Variants in UTS2 observed in about 807,000 individuals in gnomAD.
UTS2 encodes urotensin 2.
A neutral mutation model predicts 12.6 loss-of-function variants in UTS2; 10 were observed. The observed-to-expected ratio is 0.80, with a 90% CI of 0.49 to 1.35. The LOEUF (loss-of-function observed/expected upper bound fraction) is 1.35. UTS2 is among the 40% of genes most tolerant of loss of function. The pLI, the probability that UTS2 is intolerant of heterozygous loss-of-function variation, is 0.00. For synonymous variants in UTS2, 52 were observed against 50.0 expected, an observed-to-expected ratio of 1.04 and a Z score of -0.17; for missense variants, 142 against 143.2, an observed-to-expected ratio of 0.99 and a Z score of 0.04.
chr1:7,896,434 A>T, the UTS2 span, among the ~76,000 whole-genome samples: 1 of 152,282 alleles, frequency 6.6e-6, no homozygotes, highest in South Asian at 2.1e-4. Flanking sequence ...TTGAAGTATA[A>T]ATTATAGGCT....
chr1:7,912,534 A>C, the UTS2 span, among the ~76,000 whole-genome samples: 1 of 151,784 alleles, frequency 6.6e-6, no homozygotes, highest in Non-Finnish European at 1.5e-5. Flanking sequence ...GCTCACTACA[A>C]CCTCCACCTC....
upstream of UTS2, among the ~76,000 whole-genome samples, chr1:7,857,643 G>A (rs1638340087): frequency 6.6e-6 from 1 of 152,056 alleles, no homozygotes; most frequent in Non-Finnish European, 1.5e-5. Context: ...GCCAAACCCA[G>A]GAGTTTGAGA....
chr1:7,905,879 G>A, the UTS2 span, among the ~76,000 whole-genome samples: 2 of 151,858 alleles, frequency 1.3e-5, no homozygotes, highest in Non-Finnish European at 2.9e-5. Flanking sequence ...TCTCTTCTTG[G>A]ACATTTCGTA....
the UTS2 span, among the ~76,000 whole-genome samples, chr1:7,878,816 G>A: frequency 5.9e-5 from 9 of 152,052 alleles, no homozygotes; most frequent in African/African-American, 2.2e-4. Context: ...AAAAGTGAAA[G>A]TACAAAAAAC....
the UTS2 span, among the ~76,000 whole-genome samples, chr1:7,873,397 A>G: frequency 0.64 from 96,877 of 152,094 alleles, 31,081 homozygotes; most frequent in East Asian, 0.74. Context: ...AAACCTTCTG[A>G]AAATGAGTCA....
the UTS2 span, among the ~76,000 whole-genome samples, chr1:7,864,850 G>A: frequency 1.8e-4 from 27 of 152,314 alleles, no homozygotes; most frequent in African/African-American, 6.5e-4. Context: ...AACAATCAGA[G>A]GGTGAAGGAG....
the UTS2 span, among the ~76,000 whole-genome samples, chr1:7,862,070 G>T: frequency 2.0e-5 from 3 of 151,778 alleles, no homozygotes; most frequent in Admixed American, 1.3e-4. Flanking sequence ...TGCCCACCAC[G>T]CCCGGCTAAT....
the UTS2 span, among the ~76,000 whole-genome samples, chr1:7,908,988 G>C: frequency 6.6e-6 from 1 of 151,976 alleles, no homozygotes; most frequent in Admixed American, 6.6e-5. Flanking sequence ...TGTATTTTTA[G>C]TAGAGACTGG....
chr1:7,887,023 A>G, the UTS2 span, among the ~76,000 whole-genome samples: 2 of 121,220 alleles, frequency 1.6e-5, no homozygotes, highest in African/African-American at 6.4e-5. Flanking sequence ...CCTGGGCGAC[A>G]GGGCAAGACT....
the UTS2 span, among the ~76,000 whole-genome samples, chr1:7,888,829 G>C: frequency 6.6e-6 from 1 of 152,196 alleles, no homozygotes; most frequent in African/African-American, 2.4e-5. Context: ...AACATTTTGA[G>C]AGTTGTCTTG....
At chr1:7,854,342 TAAA>T (rs71567319), upstream of UTS2, among the ~76,000 whole-genome samples, 4 of 121,660 alleles carry the variant, frequency 3.3e-5, no homozygotes, top group Non-Finnish European at 5.1e-5. Flanking sequence ...AGACTCTGTC[TAAA>T]AAAAAAAAAA....
At chr1:7,909,906 G>A in the UTS2 span, among the ~76,000 whole-genome samples, 32 of 152,222 alleles carry the variant, frequency 2.1e-4, no homozygotes, top group Non-Finnish European at 3.5e-4. Context: ...GAGCCACCGC[G>A]CCCAGCCTTA....
the UTS2 span, among the ~76,000 whole-genome samples, chr1:7,869,727 C>G: frequency 6.6e-6 from 1 of 152,198 alleles, no homozygotes; most frequent in Non-Finnish European, 1.5e-5. Flanking sequence ...TGATGGCCAG[C>G]GGAGAGGAAG....
chr1:7,877,148 A>AAAAAAAG, the UTS2 span, among the ~76,000 whole-genome samples: 3 of 103,708 alleles, frequency 2.9e-5, no homozygotes, highest in Admixed American at 1.7e-4. Flanking sequence ...AAAAAGAAAA[A>AAAAAAAG]AAAAAGAAAC....
chr1:7,880,570 T>C, the UTS2 span, among the ~76,000 whole-genome samples: 1 of 151,644 alleles, frequency 6.6e-6, no homozygotes, highest in Admixed American at 6.6e-5. Context: ...CTAGAGAAAA[T>C]GGATAAATTA....
At chr1:7,852,877 A>G (rs1003342219) in intron 1 of UTS2, 24 bp downstream of exon 1, 20 of 1,597,808 alleles carry the variant, frequency 1.3e-5, no homozygotes, top group Non-Finnish European at 1.5e-5. Context: ...CAAGACTAAC[A>G]TAAGGGGAAA....
At chr1:7,901,606 A>G in the UTS2 span, among the ~76,000 whole-genome samples, 207 of 126,784 alleles carry the variant, frequency 1.6e-3, no homozygotes, top group African/African-American at 5.5e-3. Flanking sequence ...ATATTCATCT[A>G]TGTGTGTGTG....
the UTS2 span, among the ~76,000 whole-genome samples, chr1:7,887,193 G>C: frequency 6.6e-6 from 1 of 151,878 alleles, no homozygotes; most frequent in African/African-American, 2.4e-5. Flanking sequence ...AAATTGCCAG[G>C]CTGTTTTGTA....
chr1:7,875,321 G>A, the UTS2 span, among the ~76,000 whole-genome samples: 1 of 152,128 alleles, frequency 6.6e-6, no homozygotes, highest in African/African-American at 2.4e-5. Context: ...TGATCCACCC[G>A]CCTCGGCCTC....
Sources: allele counts gnomAD v4.1 joint callset (sites outside exome capture counted in the v4.1 genomes callset), GRCh38; gene constraint gnomAD v4.1.1; transcripts MANE v1.5; gene names NCBI Gene and HGNC (gene_info 2026-07-23, HGNC 2026-07-21).